Variants in ADD3 observed in about 807,000 individuals in gnomAD.
The protein encoded by ADD3 is gamma-adducin.
A neutral mutation model predicts 80.2 loss-of-function variants in ADD3; 25 were observed. The ratio of observed to expected loss-of-function variants is 0.31; its 90% CI spans 0.23 to 0.44. The LOEUF (loss-of-function observed/expected upper bound fraction) is 0.44. Among genes scored for constraint, ADD3 ranks in the 20% least tolerant of loss-of-function variants. ADD3 has a pLI of 1.00. For synonymous variants in ADD3, 284 were observed against 289.6 expected (o/e 0.98, Z 0.20); for missense variants, 829 against 847.5 (o/e 0.98, Z 0.27).
intron 2 of ADD3, among the ~76,000 whole-genome samples, chr10:110,101,552 A>C (rs1185380516): frequency 1.3e-5 from 2 of 151,438 alleles, no homozygotes; most frequent in Non-Finnish European, 2.9e-5. Context: ...CAGGAGGATC[A>C]CTTGAGCCCA....
At chr10:110,007,055 C>A (rs1042407956), upstream of ADD3, among the ~76,000 whole-genome samples, 6 of 151,992 alleles carry the variant, frequency 3.9e-5, no homozygotes, top group Admixed American at 3.9e-4. Context: ...GGATGAGAAA[C>A]ATGTCTGGGC....
chr10:110,117,487 C>A, intron 5 of ADD3, 65 bp downstream of exon 5: 2 of 957,070 alleles, frequency 2.1e-6, no homozygotes, highest in Non-Finnish European at 3.4e-6. Flanking sequence ...CAGTTCTTAG[C>A]TTTTAGCACA....
chr10:110,128,709 G>A (rs1312043108), intron 12 of ADD3, among the ~76,000 whole-genome samples: 1 of 152,010 alleles, frequency 6.6e-6, no homozygotes, highest in Non-Finnish European at 1.5e-5. Context: ...GAGCCACCAC[G>A]CCCAGCCAAC....
intron 14 of ADD3, among the ~76,000 whole-genome samples, chr10:110,132,924 CAAAAAAAAAAA>C (rs60435351): frequency 7.5e-5 from 5 of 66,276 alleles, no homozygotes; most frequent in East Asian, 7.7e-4. Flanking sequence ...GACTCCGCCT[CAAAAAAAAAAA>C]AAAAAAAAAA....
chr10:110,112,720 A>T, intron 2 of ADD3, 57 bp from the exon 3 acceptor site: 2 of 1,561,214 alleles, frequency 1.3e-6, no homozygotes, highest in Non-Finnish European at 8.6e-7. Flanking sequence ...TATCGGAACA[A>T]GTTACTTTTG....
At chr10:110,109,389 C>A (rs1305419398) in intron 2 of ADD3, among the ~76,000 whole-genome samples, 2 of 152,154 alleles carry the variant, frequency 1.3e-5, no homozygotes, top group Non-Finnish European at 2.9e-5. Flanking sequence ...GCTCTGTCTA[C>A]CTTCCTTATG....
At position 110,117,367 on chromosome 10, in the gene ADD3, A is replaced by G; in HGVS notation, c.512A>G (p.His171Arg). 1.2e-6 allele frequency: 2 copies of G among 1,604,568 alleles called. No individual in the cohort carries two copies. The highest frequency in any genetic ancestry group is 1.7e-6 in the Non-Finnish European group (2 of 1,171,766). Residue 171 changes from histidine (H) to arginine (R), a missense_variant, in exon 5 of 15, where the codon CAC becomes CGC. By Grantham distance (29) the His-to-Arg change is conservative. Transcript: ENST00000356080. ...ISVRISKEQD[H>R]IIIIPRGLSF... ...GTAAGAATAAGTAAGGAGCAAGACC[A>G]CATTATAATAATTCCCAGAGGCCTA...
chr10:110,104,440 C>T (rs1483438397), intron 2 of ADD3, among the ~76,000 whole-genome samples: 4 of 152,182 alleles, frequency 2.6e-5, no homozygotes, highest in Admixed American at 6.5e-5. Flanking sequence ...GGTGCAAAGG[C>T]CCCTTTTCCT....
At chr10:110,099,153 T>C (rs1053693954) in intron 1 of ADD3, among the ~76,000 whole-genome samples, 2 of 150,346 alleles carry the variant, frequency 1.3e-5, no homozygotes, top group African/African-American at 4.9e-5. Flanking sequence ...GATCTGGAAC[T>C]CCTGGGCTCA....
At chr10:110,099,239 T>G (rs1848530372) in intron 1 of ADD3, among the ~76,000 whole-genome samples, 1 of 150,676 alleles carries the variant, frequency 6.6e-6, no homozygotes, top group Non-Finnish European at 1.5e-5. Flanking sequence ...TAAACTCTAT[T>G]TAAAAAAAAA....
intron 1 of ADD3, among the ~76,000 whole-genome samples, chr10:110,019,512 G>A (rs1853408838): frequency 6.6e-6 from 1 of 151,854 alleles, no homozygotes; most frequent in African/African-American, 2.4e-5. Context: ...CCGCCACCAC[G>A]CCCGGCTAAT....
At chr10:110,099,613 G>A (rs1205359330) in intron 1 of ADD3, among the ~76,000 whole-genome samples, 3 of 152,184 alleles carry the variant, frequency 2.0e-5, no homozygotes, top group Non-Finnish European at 4.4e-5. Flanking sequence ...ATTTGTATGT[G>A]AATACAATAT....
At chr10:110,057,201 G>A (rs543698915) in intron 1 of ADD3, among the ~76,000 whole-genome samples, 4 of 152,064 alleles carry the variant, frequency 2.6e-5, no homozygotes, top group African/African-American at 9.7e-5. Flanking sequence ...CTCTAATTGG[G>A]TATTATGTGA....
intron 2 of ADD3, among the ~76,000 whole-genome samples, chr10:110,105,616 T>A (rs964995478): frequency 2.6e-5 from 4 of 152,324 alleles, no homozygotes; most frequent in Admixed American, 2.6e-4. Context: ...TGCAGTGTTA[T>A]TCTGAAAAAT....
chr10:110,054,511 G>A (rs918125067), intron 1 of ADD3, among the ~76,000 whole-genome samples: 7 of 148,850 alleles, frequency 4.7e-5, no homozygotes, highest in East Asian at 2.0e-4. Context: ...GCGCGATCTC[G>A]GCTCACTGCA....
intron 1 of ADD3, among the ~76,000 whole-genome samples, chr10:110,032,873 T>C (rs570155870): frequency 1.2e-3 from 181 of 152,308 alleles, no homozygotes; most frequent in African/African-American, 3.6e-3. Flanking sequence ...AGAAACTTTA[T>C]CGAGAGGAAA....
At chr10:110,036,340 CAT>C (rs1855640732) in intron 1 of ADD3, among the ~76,000 whole-genome samples, 1 of 149,956 alleles carries the variant, frequency 6.7e-6, no homozygotes, top group Non-Finnish European at 1.5e-5. Flanking sequence ...TTATATTTCT[CAT>C]GTGATAATCC....
intron 2 of ADD3, chr10:110,105,853 G>A (rs1206108579): frequency 1.3e-5 from 2 of 152,072 alleles, no homozygotes; most frequent in African/African-American, 4.8e-5. Flanking sequence ...TAAGATGCAG[G>A]TATTCTTAAC....
upstream of ADD3, among the ~76,000 whole-genome samples, chr10:110,002,297 G>A (rs1435353745): frequency 4.6e-5 from 7 of 151,326 alleles, no homozygotes; most frequent in African/African-American, 9.7e-5. Context: ...TTTTTGAGAC[G>A]GAGTCTCGCT....
Sources: allele counts gnomAD v4.1 joint callset (sites outside exome capture counted in the v4.1 genomes callset), GRCh38; gene constraint gnomAD v4.1.1; transcripts MANE v1.5; gene names NCBI Gene and HGNC (gene_info 2026-07-23, HGNC 2026-07-21).